The following CACNA2D2 variants were observed in gnomAD, a reference collection of about 807,000 sequenced individuals.
The protein encoded by CACNA2D2 is calcium voltage-gated channel auxiliary subunit alpha2delta 2.
A neutral mutation model predicts 166.4 loss-of-function variants in CACNA2D2; 48 were observed. The observed-to-expected ratio is 0.29, with a 90% CI of 0.23 to 0.37. The LOEUF is 0.37. Among genes scored for constraint, CACNA2D2 ranks in the 10% least tolerant of loss-of-function variants. The pLI is 1.00. For synonymous variants in CACNA2D2, 561 were observed against 573.7 expected (o/e 0.98, Z 0.32); for missense variants, 1,122 against 1,433.0 (o/e 0.78, Z 3.50).
At chr3:50,385,387 C>A (rs1312074781) in intron 5 of CACNA2D2, among the ~76,000 whole-genome samples, 1 of 152,172 alleles carries the variant, frequency 6.6e-6, no homozygotes, top group Admixed American at 6.5e-5. Context: ...TCAGCCCAGG[C>A]TTAGCTCATT....
In CACNA2D2 at chr3:50,367,629, ATAGGT is replaced by A; in HGVS notation, c.2297+8_2297+12del. On this transcript the variant is annotated splice_region_variant and intron_variant, in intron 26 of 37. Coordinates refer to ENST00000424201, the MANE Select transcript of CACNA2D2 (RefSeq NM_006030.4). The surrounding 1 kb of genome is among the most constrained non-coding windows in gnomAD (Gnocchi z 6.5). ...GCAGGGGCAGGGTTTGGGTAGTGGG[ATAGGT>A]CACTTACTTGTTGGGGAAGACTCGG... The A allele has an allele frequency of 6.2e-7, 1 of 1,610,864 alleles. No homozygotes were observed.
In CACNA2D2 at chr3:50,366,121, C is replaced by T; in HGVS notation, c.2752G>A (p.Ala918Thr). 1.2e-6 allele frequency: 2 copies of T among 1,613,964 alleles called. No homozygotes were observed. Residue 918 changes from alanine (A) to threonine (T), a missense_variant, in exon 32 of 38, where the codon GCA (alanine) becomes ACA (threonine). By Grantham distance (58) the Ala-to-Thr change is moderately conservative. Around this residue, in one of 2 missense-constraint regions of CACNA2D2, gnomAD observed 840 missense variants for 1,166.8 expected, o/e 0.72. Transcript: ENST00000424201. This position sits in a 1 kb window ranked among gnomAD's most constrained non-coding sequence, Gnocchi z 5.9. ...GTGTAGAAGGAGTTATTGTAGAGTG[C>T]CAGCATCAGGTTGGCATCCACCTCA... ...FSEVDANLMLALYNNSFYTRK... is the reference protein window; with the variant it reads ...FSEVDANLMLTLYNNSFYTRK...
In CACNA2D2 at chr3:50,431,724, C is replaced by T. The variant is rs1436842063; in HGVS notation, c.405+2589G>A. 3.3e-5 allele frequency among the ~76,000 whole-genome samples: 5 copies of T among 152,256 alleles called. No homozygotes were observed. The East Asian group carries it at 9.7e-4, about 29-fold the overall frequency. ...TCTGGGCCAGATGCGGTGGCTCAGGCCTGTAATCCCAGCACTTTGGGAGGC... is the reference window on the plus strand; with the variant it reads ...TCTGGGCCAGATGCGGTGGCTCAGGTCTGTAATCCCAGCACTTTGGGAGGC... On this transcript the variant is annotated intron_variant, in intron 3 of 37. Transcript: ENST00000424201.
Position 50,367,380 on chromosome 3 carries a change from G to T in CACNA2D2, c.2401+14C>A. ...CTCCCTGCCTGCTGCTGGGCACACT[G>T]CGGGGACACTCACCATCCTGGTGTG... On this transcript the variant is annotated intron_variant, in intron 27 of 37. Transcript: ENST00000424201. This position sits in a 1 kb window ranked among gnomAD's most constrained non-coding sequence, Gnocchi z 6.5. 6.2e-7 allele frequency: 1 copy of T among 1,609,340 alleles called. No homozygotes were observed. The highest frequency in any genetic ancestry group is 8.5e-7 in the Non-Finnish European group (1 of 1,176,152).
At chr3:50,457,398 C>G (rs1345868615) in intron 2 of CACNA2D2, among the ~76,000 whole-genome samples, 2 of 152,232 alleles carry the variant, frequency 1.3e-5, no homozygotes, top group African/African-American at 4.8e-5. Context: ...TTCCTTGTAA[C>G]CAGCAGCTAC....
intron 3 of CACNA2D2, among the ~76,000 whole-genome samples, chr3:50,407,295 T>C (rs1706764478): frequency 6.6e-6 from 1 of 151,834 alleles, no homozygotes; most frequent in Non-Finnish European, 1.5e-5. Flanking sequence ...CAGATCTCTC[T>C]CCTGTTTAAG....
rs148527601 is a variant in CACNA2D2 at position 50,365,756 on chromosome 3, G to A, written c.2915+54C>T. 1.4e-5 allele frequency: 23 copies of A among 1,610,356 alleles called. No individual in the cohort carries two copies. The highest frequency in any genetic ancestry group is 1.9e-5 in the Non-Finnish European group (22 of 1,178,582). ...CGATGCCATGCCCTACTTCTCTTCT[G>A]AGCCCTCCCGGCCAGGGAGCACCTT... On this transcript the variant is annotated intron_variant, in intron 33 of 37. Transcript: ENST00000424201. The surrounding 1 kb of genome is among the most constrained non-coding windows in gnomAD (Gnocchi z 4.5).
At chr3:50,398,293 T>C (rs567012224) in intron 3 of CACNA2D2, among the ~76,000 whole-genome samples, 1 of 152,168 alleles carries the variant, frequency 6.6e-6, no homozygotes, top group South Asian at 2.1e-4. Context: ...CTGGTCGCCC[T>C]GCTACCAGGC....
At chr3:50,377,871 A>G in intron 15 of CACNA2D2, 68 bp from the exon 16 acceptor site, 1 of 1,507,798 alleles carries the variant, frequency 6.6e-7, no homozygotes, top group Non-Finnish European at 9.1e-7. Flanking sequence ...TGTTCAGAGC[A>G]GGGACTGAGG....
chr3:50,461,580 G>A (rs922907780), intron 2 of CACNA2D2, among the ~76,000 whole-genome samples: 1 of 151,850 alleles, frequency 6.6e-6, no homozygotes, highest in African/African-American at 2.4e-5. Context: ...GGCCAACATA[G>A]CGAAACCTCA....
chr3:50,498,055 C>T (rs1391786124), intron 1 of CACNA2D2, among the ~76,000 whole-genome samples: 1 of 152,190 alleles, frequency 6.6e-6, no homozygotes, highest in Non-Finnish European at 1.5e-5. Flanking sequence ...ACAGCCCAGT[C>T]ACTTAAAGAC....
At chr3:50,405,157 G>A (rs748590996) in intron 3 of CACNA2D2, among the ~76,000 whole-genome samples, 10 of 152,208 alleles carry the variant, frequency 6.6e-5, no homozygotes, top group South Asian at 2.1e-4. Context: ...CCAACCTCAG[G>A]AGAAGGAGTG....
intron 1 of CACNA2D2, among the ~76,000 whole-genome samples, chr3:50,491,363 G>A (rs906523078): frequency 3.9e-5 from 6 of 152,216 alleles, no homozygotes; most frequent in African/African-American, 1.2e-4. Context: ...GCTAAGGCGG[G>A]TTAGGAGGAG....
At chr3:50,456,504 G>A (rs769533048) in intron 2 of CACNA2D2, among the ~76,000 whole-genome samples, 19 of 152,228 alleles carry the variant, frequency 1.2e-4, no homozygotes, top group Non-Finnish European at 2.4e-4. Flanking sequence ...AGCTTGCTAG[G>A]TGGCTGAGAG....
At chr3:50,457,259 CAAACAAACAAACAG>C (rs1709401355) in intron 2 of CACNA2D2, among the ~76,000 whole-genome samples, 2 of 151,934 alleles carry the variant, frequency 1.3e-5, no homozygotes, top group South Asian at 2.1e-4. Flanking sequence ...CAAAAACAAA[CAAACAAACAAACAG>C]AAACAAACAA....
intron 2 of CACNA2D2, among the ~76,000 whole-genome samples, chr3:50,472,200 C>T (rs992554720): frequency 5.9e-5 from 9 of 152,204 alleles, no homozygotes; most frequent in Non-Finnish European, 8.8e-5. Flanking sequence ...GCCAGGGCCT[C>T]GGTTTCCCCA....
intron 6 of CACNA2D2, among the ~76,000 whole-genome samples, chr3:50,383,183 G>A (rs1044259678): frequency 2.0e-5 from 3 of 152,208 alleles, no homozygotes; most frequent in East Asian, 1.9e-4. Context: ...AGTGCCCCTC[G>A]ACTGGCTCGG....
chr3:50,403,572 T>C (rs1706550699), intron 3 of CACNA2D2, among the ~76,000 whole-genome samples: 2 of 152,114 alleles, frequency 1.3e-5, no homozygotes, highest in African/African-American at 4.8e-5. Context: ...CCAAAGCTGG[T>C]TATCATGAAC....
intron 1 of CACNA2D2, among the ~76,000 whole-genome samples, chr3:50,494,528 T>C (rs1698648743): frequency 6.6e-6 from 1 of 152,148 alleles, no homozygotes; most frequent in Admixed American, 6.5e-5. Flanking sequence ...AGCTTTTATG[T>C]CTCTGAAACA....
Sources: gnomAD v4.1 joint callset for allele counts (sites outside exome capture counted in the v4.1 genomes callset) on GRCh38, gnomAD v4.1.1 for gene constraint, gnomAD v4.1.1 regional missense constraint, Gnocchi (gnomAD v3.1) non-coding constraint, MANE v1.5 for transcripts, NCBI Gene and HGNC (gene_info 2026-07-23, HGNC 2026-07-21) for gene names.